The following WWOX variants were observed in gnomAD, a reference collection of about 807,000 sequenced individuals.
WWOX encodes WW domain containing oxidoreductase, also known as WW domain-containing oxidoreductase.
Under a neutral mutation model 46.2 loss-of-function variants are expected in WWOX, and 69 were observed. That is an observed-to-expected ratio of 1.49 (90% confidence interval 1.23 to 1.82). The LOEUF (loss-of-function observed/expected upper bound fraction) is 1.82, where lower values mean the gene tolerates loss of function less well. Among genes scored for constraint, WWOX ranks in the 40% most tolerant of loss-of-function variants. WWOX has a pLI of 0.00. For missense variants in WWOX, 919 were observed against 542.6 expected (o/e 1.69, Z -6.89); for synonymous variants, 359 against 202.6 (o/e 1.77, Z -6.56).
intron 8 of WWOX, among the ~76,000 whole-genome samples, chr16:78,847,909 T>A (rs562254494): frequency 6.6e-6 from 1 of 152,218 alleles, no homozygotes; most frequent in African/African-American, 2.4e-5. Flanking sequence ...ACTTTCTGTT[T>A]CGTTGCTTAC....
At chr16:78,280,462 C>G (rs1597440016) in intron 5 of WWOX, among the ~76,000 whole-genome samples, 1 of 152,164 alleles carries the variant, frequency 6.6e-6, no homozygotes, top group East Asian at 1.9e-4. Context: ...TTAGGCTGTT[C>G]TTGCACTGCT....
At chr16:78,337,377 C>T (rs1021735761) in intron 5 of WWOX, among the ~76,000 whole-genome samples, 15 of 152,154 alleles carry the variant, frequency 9.9e-5, no homozygotes, top group Admixed American at 2.6e-4. Flanking sequence ...ATAGTACATG[C>T]TGTCCTGTGT....
At chr16:79,100,755 G>GCAGAAATA (rs1164181268) in intron 8 of WWOX, among the ~76,000 whole-genome samples, 1 of 152,098 alleles carries the variant, frequency 6.6e-6, no homozygotes, top group Non-Finnish European at 1.5e-5. Flanking sequence ...TCAGGGACTG[G>GCAGAAATA]GGCTGGGCTT....
chr16:78,914,465 A>T (rs1056300698), intron 8 of WWOX, among the ~76,000 whole-genome samples: 1 of 151,988 alleles, frequency 6.6e-6, no homozygotes, highest in Non-Finnish European at 1.5e-5. Context: ...AGATTCATGA[A>T]ATTTCTTTTT....
chr16:79,051,050 A>G, intron 8 of WWOX, among the ~76,000 whole-genome samples: 1 of 152,230 alleles, frequency 6.6e-6, no homozygotes. Flanking sequence ...GATTATTCCC[A>G]AGGAAGCTGT....
At chr16:78,723,083 C>T (rs1597493619) in intron 8 of WWOX, among the ~76,000 whole-genome samples, 1 of 152,006 alleles carries the variant, frequency 6.6e-6, no homozygotes, top group Admixed American at 6.6e-5. Context: ...TGATGAGTAC[C>T]TGGATTAAAC....
chr16:78,651,111 C>G (rs1426332417), intron 8 of WWOX, among the ~76,000 whole-genome samples: 6 of 152,178 alleles, frequency 3.9e-5, no homozygotes, highest in African/African-American at 1.4e-4. Flanking sequence ...GACCCAAGGC[C>G]CAGGTACCTG....
chr16:78,735,842 C>G (rs947159091), intron 8 of WWOX, among the ~76,000 whole-genome samples: 7 of 114,660 alleles, frequency 6.1e-5, no homozygotes, highest in African/African-American at 2.8e-4. Context: ...TGCTCCACAC[C>G]TTTCTGCTCT....
rs555716977 is a variant in WWOX at position 79,211,604 on chromosome 16, C to T, written c.1057-4C>T. On this transcript the variant is annotated splice_region_variant and splice_polypyrimidine_tract_variant and intron_variant, in intron 8 of 8. Coordinates refer to ENST00000566780, the MANE Select transcript of WWOX (RefSeq NM_016373.4). ...TTTTTTTGTCTTTCTTCTTGGATTT[C>T]CAGCAACAGGGAGCTGCCACCACCG... 19 of 1,614,170 alleles carry T rather than the reference C, an allele frequency of 1.2e-5. No homozygotes were observed. In the African/African-American group the frequency reaches 2.0e-4, roughly 17 times the overall value.
intron 8 of WWOX, among the ~76,000 whole-genome samples, chr16:78,830,165 C>T (rs1448179969): frequency 1.1e-4 from 17 of 151,606 alleles, no homozygotes; most frequent in Admixed American, 9.2e-4. Context: ...CAAGAGCTGC[C>T]GCAATGAAAG....
intron 5 of WWOX, among the ~76,000 whole-genome samples, chr16:78,319,345 C>T (rs970790922): frequency 3.3e-5 from 5 of 152,126 alleles, no homozygotes; most frequent in African/African-American, 1.2e-4. Context: ...AGTGCAGTGG[C>T]GCTATCATGG....
At chr16:78,275,447 G>GGTAAT (rs2151850033) in intron 5 of WWOX, among the ~76,000 whole-genome samples, 2 of 152,338 alleles carry the variant, frequency 1.3e-5, no homozygotes, top group South Asian at 4.1e-4. Context: ...TTACCTGGCT[G>GGTAAT]GTCCGTACGC....
chr16:79,175,676 G>C, intron 8 of WWOX, among the ~76,000 whole-genome samples: 1 of 152,172 alleles, frequency 6.6e-6, no homozygotes, highest in East Asian at 1.9e-4. Flanking sequence ...AAGGATGTTA[G>C]CATTAGAGGC....
chr16:78,937,923 T>G (rs2045775508), intron 8 of WWOX, among the ~76,000 whole-genome samples: 2 of 152,160 alleles, frequency 1.3e-5, no homozygotes, highest in South Asian at 4.1e-4. Context: ...CCACCATGTG[T>G]GGCTATAGAA....
chr16:78,489,821 C>T (rs1486497348), intron 8 of WWOX, among the ~76,000 whole-genome samples: 1 of 152,132 alleles, frequency 6.6e-6, no homozygotes, highest in African/African-American at 2.4e-5. Flanking sequence ...GAACACTTGT[C>T]ACTAAAGCTG....
intron 8 of WWOX, among the ~76,000 whole-genome samples, chr16:78,433,684 C>T (rs1237690676): frequency 6.6e-6 from 1 of 151,904 alleles, no homozygotes; most frequent in Non-Finnish European, 1.5e-5. Context: ...GGCCTATTAT[C>T]CTCCAGCTGA....
intron 8 of WWOX, among the ~76,000 whole-genome samples, chr16:78,958,036 C>T (rs1004857876): frequency 8.5e-5 from 13 of 152,184 alleles, no homozygotes; most frequent in Admixed American, 2.6e-4. Flanking sequence ...TGTTTTCTGG[C>T]GCGTGGTATG....
chr16:79,124,771 A>T (rs1267693022), intron 8 of WWOX, among the ~76,000 whole-genome samples: 1 of 152,224 alleles, frequency 6.6e-6, no homozygotes, highest in Non-Finnish European at 1.5e-5. Flanking sequence ...AATTGGTTAG[A>T]AAGTGTGCAA....
At chr16:78,288,433 G>C (rs2079806555) in intron 5 of WWOX, among the ~76,000 whole-genome samples, 1 of 152,064 alleles carries the variant, frequency 6.6e-6, no homozygotes, top group Admixed American at 6.5e-5. Flanking sequence ...GATTTTTGTT[G>C]TGGTGGCAGT....
Sources: gnomAD v4.1 joint callset for allele counts (sites outside exome capture counted in the v4.1 genomes callset) on GRCh38, gnomAD v4.1.1 for gene constraint, MANE v1.5 for transcripts, NCBI Gene and HGNC (gene_info 2026-07-23, HGNC 2026-07-21) for gene names.